The following TIAM2 variants were observed in gnomAD, a reference collection of about 807,000 sequenced individuals.
The protein encoded by TIAM2 is TIAM Rac1 associated GEF 2.
Under a neutral mutation model 152.9 loss-of-function variants are expected in TIAM2, and 80 were observed. The ratio of observed to expected loss-of-function variants is 0.52; its 90% CI spans 0.44 to 0.63. The LOEUF is 0.63. Ranked by LOEUF, TIAM2 falls within the 30% of genes least tolerant of loss-of-function variation. TIAM2 has a pLI of 0.00. For synonymous variants in TIAM2, 804 were observed against 838.0 expected (o/e 0.96, Z 0.70); for missense variants, 1,965 against 2,120.1 (o/e 0.93, Z 1.44).
At chr6:155,100,577 A>G (rs1250506378) in intron 2 of TIAM2, among the ~76,000 whole-genome samples, 1 of 152,180 alleles carries the variant, frequency 6.6e-6, no homozygotes, top group Non-Finnish European at 1.5e-5. Context: ...TCATTCATGC[A>G]TGCAGTTACT....
chr6:155,182,872 C>T (rs769175933), intron 13 of TIAM2, among the ~76,000 whole-genome samples: 1 of 152,216 alleles, frequency 6.6e-6, no homozygotes, highest in Admixed American at 6.5e-5. Flanking sequence ...ATCTTTCAAA[C>T]TGTTTCTTCG....
intron 18 of TIAM2, 90 bp from the exon 19 acceptor site, chr6:155,245,533 C>G (rs1432732514): frequency 2.9e-5 from 31 of 1,074,156 alleles, no homozygotes; most frequent in Non-Finnish European, 4.0e-5. Flanking sequence ...GCTATGGAAT[C>G]TGACAGAAGC....
At chr6:155,019,543 G>A (rs908631270) in intron 1 of TIAM2, among the ~76,000 whole-genome samples, 1 of 152,196 alleles carries the variant, frequency 6.6e-6, no homozygotes, top group Non-Finnish European at 1.5e-5. Context: ...CAAATAGTGG[G>A]GGTGGGCTGC....
At chr6:155,133,675 C>G (rs1779495060) in intron 4 of TIAM2, among the ~76,000 whole-genome samples, 1 of 152,040 alleles carries the variant, frequency 6.6e-6, no homozygotes, top group South Asian at 2.1e-4. Flanking sequence ...TTTCAGATTC[C>G]ACGTATAAGT....
intron 7 of TIAM2, among the ~76,000 whole-genome samples, chr6:155,159,552 G>A (rs900931992): frequency 6.6e-6 from 1 of 152,184 alleles, no homozygotes; most frequent in African/African-American, 2.4e-5. Context: ...AGAAATGAAG[G>A]TATGGTAATA....
At chr6:155,220,287 G>A (rs1308708946) in intron 15 of TIAM2, among the ~76,000 whole-genome samples, 6 of 152,224 alleles carry the variant, frequency 3.9e-5, no homozygotes, top group Non-Finnish European at 7.3e-5. Context: ...CGAGACTTTG[G>A]CTGGGGCTCA....
chr6:155,141,960 G>C (rs1046167647), intron 5 of TIAM2, among the ~76,000 whole-genome samples: 15 of 152,100 alleles, frequency 9.9e-5, no homozygotes, highest in Non-Finnish European at 1.8e-4. Flanking sequence ...TGCTACCATA[G>C]CAAGAACGTC....
In TIAM2 at chr6:155,257,475, G is replaced by A; in HGVS notation, c.*354G>A. On this transcript the variant is annotated 3_prime_UTR_variant, in exon 27 of 27. Transcript: ENST00000682666. ...AAAGGGCCATTTTTTAAAATCCTCT[G>A]GGCATTTTCTTTCAGCTGTTTGTTA... is the stretch of plus-strand genomic sequence containing the variant. 3.1e-6 allele frequency: 1 copy of A among 327,694 alleles called. No individual in the cohort carries two copies. Among genetic ancestry groups the A allele is most frequent in the Non-Finnish European group, 5.6e-6 (1 of 178,872 alleles). 20.3% of individuals were successfully genotyped at this position (327,694 alleles called of 1,614,324 possible).
intron 1 of TIAM2, among the ~76,000 whole-genome samples, chr6:155,073,943 A>T (rs1216508647): frequency 6.6e-6 from 1 of 152,108 alleles, no homozygotes; most frequent in Admixed American, 6.5e-5. Context: ...TAGGTGGAAA[A>T]TGCAATGTTC....
chr6:155,028,042 G>A (rs561910587), intron 1 of TIAM2, among the ~76,000 whole-genome samples: 18 of 116,256 alleles, frequency 1.5e-4, no homozygotes, highest in African/African-American at 5.7e-4. Context: ...TATAATATAT[G>A]TACTGTGTTA....
At chr6:155,257,722 CATCTG>C in exon 27 of TIAM2, 1 of 1,285,542 alleles carries the variant, frequency 7.8e-7, no homozygotes, top group Non-Finnish European at 1.1e-6. Flanking sequence ...AAATAAGTCA[CATCTG>C]GTCATTGGCA....
At chr6:155,212,774 G>A (rs148367664) in intron 15 of TIAM2, among the ~76,000 whole-genome samples, 4 of 152,194 alleles carry the variant, frequency 2.6e-5, no homozygotes, top group African/African-American at 9.7e-5. Context: ...GAGCAGAGTG[G>A]TGAGGGGTGT....
At chr6:155,046,710 C>G (rs1333262024) in intron 1 of TIAM2, among the ~76,000 whole-genome samples, 1 of 152,080 alleles carries the variant, frequency 6.6e-6, no homozygotes, top group East Asian at 1.9e-4. Flanking sequence ...GGTTTGACTT[C>G]CAGGAGCTTC....
At chr6:155,091,959 G>A (rs1199633196) in intron 2 of TIAM2, among the ~76,000 whole-genome samples, 24 of 152,180 alleles carry the variant, frequency 1.6e-4, no homozygotes, top group African/African-American at 4.3e-4. Context: ...ATGCAGTGAC[G>A]TGATCTTGGC....
At chr6:155,093,890 G>A (rs1387126484) in intron 2 of TIAM2, among the ~76,000 whole-genome samples, 1 of 152,188 alleles carries the variant, frequency 6.6e-6, no homozygotes, top group Non-Finnish European at 1.5e-5. Flanking sequence ...TGAAGTCAGG[G>A]AGTTGGGACT....
chr6:155,249,745 C>T (rs1270841919), intron 20 of TIAM2, 106 bp from the exon 21 acceptor site: 3 of 876,760 alleles, frequency 3.4e-6, no homozygotes, highest in African/African-American at 3.4e-5. Context: ...CTAGTGGGTA[C>T]TGGTCTGGAA....
At chr6:155,166,681 A>G (rs1299761345) in intron 9 of TIAM2, among the ~76,000 whole-genome samples, 1 of 152,218 alleles carries the variant, frequency 6.6e-6, no homozygotes, top group Non-Finnish European at 1.5e-5. Flanking sequence ...AATGTGGCCC[A>G]AGTATCGTAA....
chr6:155,248,905 A>G (rs1783491454), intron 20 of TIAM2, among the ~76,000 whole-genome samples: 1 of 152,260 alleles, frequency 6.6e-6, no homozygotes, highest in African/African-American at 2.4e-5. Context: ...TTACTGAATA[A>G]TAAATACTGA....
chr6:155,152,766 G>A (rs1004052415), intron 7 of TIAM2, among the ~76,000 whole-genome samples: 2 of 152,094 alleles, frequency 1.3e-5, no homozygotes, highest in Non-Finnish European at 2.9e-5. Flanking sequence ...GGAGAGAAAA[G>A]GGACATTTGG....
Sources: allele counts gnomAD v4.1 joint callset (sites outside exome capture counted in the v4.1 genomes callset), GRCh38; gene constraint gnomAD v4.1.1; transcripts MANE v1.5; gene names NCBI Gene and HGNC (gene_info 2026-07-23, HGNC 2026-07-21).